AGBL1: variants seen among roughly 807,000 people sequenced by gnomAD.
AGBL1 encodes the protein AGBL carboxypeptidase 1, also known as cytosolic carboxypeptidase 4.
In AGBL1, 130 loss-of-function variants were observed where a neutral mutation model predicts 118.9. The ratio of observed to expected loss-of-function variants is 1.09; its 90% CI spans 0.95 to 1.26. AGBL1 has a LOEUF of 1.26. AGBL1 is among the 50% of genes most tolerant of loss of function. The pLI is 0.00. For synonymous variants in AGBL1, 555 were observed against 478.9 expected (o/e 1.16, Z -2.08); for missense variants, 1,584 against 1,298.1 (o/e 1.22, Z -3.38).
At chr15:86,652,011 A>T (rs151193981) in intron 21 of AGBL1, among the ~76,000 whole-genome samples, 2 of 152,138 alleles carry the variant, frequency 1.3e-5, no homozygotes, top group Non-Finnish European at 2.9e-5. Context: ...ACTCTACTGG[A>T]TGCTCAGAAG....
chr15:86,844,588 T>C (rs2141445036), intron 22 of AGBL1, among the ~76,000 whole-genome samples: 1 of 152,306 alleles, frequency 6.6e-6, no homozygotes, highest in Non-Finnish European at 1.5e-5. Context: ...GTTGTGAGAA[T>C]TCTTTATATA....
chr15:86,820,576 A>G lies in AGBL1; in HGVS notation c.3159-86511A>G, dbSNP rs574042168. On this transcript the variant is annotated intron_variant, in intron 22 of 22. Coordinates refer to ENST00000614907, the MANE Select transcript of AGBL1 (RefSeq NM_001386094.1). The stretch of plus-strand genomic sequence containing the variant: ...TTTTTGCGGCCAAGAAACATATGAA[A>G]AAAAGCTCATCACCATGTGGACATT... Among the ~76,000 whole-genome samples the G allele has an allele frequency of 2.4e-4, 37 of 152,366 alleles. 1 individual carries two copies. The highest frequency in any genetic ancestry group is 2.0e-4 in the Admixed American group (3 of 15,306).
intron 18 of AGBL1, among the ~76,000 whole-genome samples, chr15:86,465,210 A>G (rs965367322): frequency 6.6e-6 from 1 of 152,180 alleles, no homozygotes; most frequent in Non-Finnish European, 1.5e-5. Flanking sequence ...ATCTCTGAAC[A>G]TAAATTGTGA....
chr15:86,511,737 A>G (rs1488164985), intron 18 of AGBL1, among the ~76,000 whole-genome samples: 2 of 152,020 alleles, frequency 1.3e-5, no homozygotes, highest in African/African-American at 4.8e-5. Flanking sequence ...GGTGATGATG[A>G]TGATGATTGA....
At chr15:86,885,298 G>A (rs2079954460) in intron 22 of AGBL1, among the ~76,000 whole-genome samples, 1 of 152,112 alleles carries the variant, frequency 6.6e-6, no homozygotes, top group South Asian at 2.1e-4. Context: ...AGAACTGAAT[G>A]TGGGATAAAT....
chr15:86,281,716 CT>C (rs1055901174), intron 16 of AGBL1, among the ~76,000 whole-genome samples: 1 of 152,158 alleles, frequency 6.6e-6, no homozygotes, highest in Non-Finnish European at 1.5e-5. Context: ...TTCCTGTGGT[CT>C]TTCTACTCCC....
At position 86,691,052 on chromosome 15, in the gene AGBL1, T is replaced by C. The variant is rs371442245; in HGVS notation, c.3158+16616T>C. Among the ~76,000 whole-genome samples the C allele has an allele frequency of 3.4e-3, 518 of 151,316 alleles. 1 individual carries two copies. The highest frequency in any genetic ancestry group is 0.012 in the African/African-American group (484 of 41,318). Reference sequence around the variant, plus strand: ...AATTCATATTAAGTAGTAGGTTGCATTTTTTTTTCCTAGACAATTTTCTCT... The same window carrying C: ...AATTCATATTAAGTAGTAGGTTGCACTTTTTTTTCCTAGACAATTTTCTCT... On this transcript the variant is annotated intron_variant, in intron 22 of 22. Coordinates refer to ENST00000614907, the MANE Select transcript of AGBL1 (RefSeq NM_001386094.1).
chr15:86,269,687 G>C (rs1337681470), intron 13 of AGBL1, among the ~76,000 whole-genome samples: 1 of 152,112 alleles, frequency 6.6e-6, no homozygotes, highest in South Asian at 2.1e-4. Context: ...TTAAAAATAT[G>C]CGCTATTGTG....
chr15:86,765,189 T>G (rs775533996), intron 22 of AGBL1, among the ~76,000 whole-genome samples: 1 of 151,976 alleles, frequency 6.6e-6, no homozygotes, highest in Non-Finnish European at 1.5e-5. Flanking sequence ...GCCCCTGACT[T>G]GTATTTTTAT....
At chr15:86,682,433 G>T (rs1018379485) in intron 22 of AGBL1, among the ~76,000 whole-genome samples, 10 of 152,090 alleles carry the variant, frequency 6.6e-5, no homozygotes. Flanking sequence ...AATTAAAATA[G>T]TGAAAACCCA....
chr15:86,592,191 T>G (rs2142353520), intron 21 of AGBL1, among the ~76,000 whole-genome samples: 1 of 152,306 alleles, frequency 6.6e-6, no homozygotes, highest in South Asian at 2.1e-4. Flanking sequence ...TGAGTCATTT[T>G]CCTTTGGGGA....
At chr15:86,079,721 C>G (rs1340699140), upstream of AGBL1, 2 of 345,294 alleles carry the variant, frequency 5.8e-6, no homozygotes, top group Non-Finnish European at 1.0e-5. Flanking sequence ...CCCTCCCCAC[C>G]CCTGCACCCA....
intron 23 of AGBL1, among the ~76,000 whole-genome samples, chr15:86,978,331 A>T (rs960162634): frequency 6.6e-6 from 1 of 152,206 alleles, no homozygotes; most frequent in Admixed American, 6.5e-5. Flanking sequence ...GCACAAAGCG[A>T]TTGTAAGTTT....
chr15:86,474,647 G>A (rs1452465517), intron 18 of AGBL1, among the ~76,000 whole-genome samples: 15 of 152,226 alleles, frequency 9.9e-5, no homozygotes, highest in Admixed American at 5.2e-4. Context: ...CCACCTCTGG[G>A]GGCAGGGCAT....
intron 22 of AGBL1, among the ~76,000 whole-genome samples, chr15:86,831,797 T>C (rs2079107991): frequency 6.6e-6 from 1 of 152,188 alleles, no homozygotes; most frequent in Non-Finnish European, 1.5e-5. Flanking sequence ...ATACCTCCAC[T>C]AGGCAGTGCC....
intron 22 of AGBL1, among the ~76,000 whole-genome samples, chr15:86,839,993 A>G (rs1213786845): frequency 6.6e-6 from 1 of 152,174 alleles, no homozygotes; most frequent in East Asian, 1.9e-4. Context: ...GATTGGGCAG[A>G]AGGTTTATAG....
chr15:87,020,989 GA>G (rs913103882), intron 24 of AGBL1, among the ~76,000 whole-genome samples: 19 of 151,240 alleles, frequency 1.3e-4, no homozygotes, highest in African/African-American at 2.4e-4. Context: ...GAATTAATTA[GA>G]AAAAAAAATT....
intron 18 of AGBL1, among the ~76,000 whole-genome samples, chr15:86,488,155 G>C (rs1265288670): frequency 6.6e-6 from 1 of 152,058 alleles, no homozygotes; most frequent in African/African-American, 2.4e-5. Context: ...TAGCCTGCTA[G>C]AGCAAACACT....
chr15:86,486,842 C>T (rs1246684985), intron 18 of AGBL1, among the ~76,000 whole-genome samples: 1 of 151,994 alleles, frequency 6.6e-6, no homozygotes, highest in Admixed American at 6.6e-5. Flanking sequence ...CTACTCCTGC[C>T]TATGCACTTT....
Sources: gnomAD v4.1 joint callset for allele counts (sites outside exome capture counted in the v4.1 genomes callset) on GRCh38, gnomAD v4.1.1 for gene constraint, MANE v1.5 for transcripts, NCBI Gene and HGNC (gene_info 2026-07-23, HGNC 2026-07-21) for gene names.